WDR27: variants seen among roughly 807,000 people sequenced by gnomAD.
The protein encoded by WDR27 is WD repeat-containing protein 27.
WDR27 carries 100 observed loss-of-function variants against 114.4 expected under a neutral mutation model. That is an observed-to-expected ratio of 0.87 (90% CI 0.74 to 1.03). The LOEUF is 1.03. WDR27 is among the 50% of genes least tolerant of loss of function. The pLI, the probability that WDR27 is intolerant of heterozygous loss-of-function variation, is 0.00. For synonymous variants in WDR27, 449 were observed against 423.1 expected (o/e 1.06, Z -0.75); for missense variants, 1,129 against 1,092.9 (o/e 1.03, Z -0.47).
the WDR27 span, among the ~76,000 whole-genome samples, chr6:169,445,276 A>T: frequency 6.6e-6 from 1 of 152,158 alleles, no homozygotes; most frequent in Non-Finnish European, 1.5e-5. Context: ...GCCTACTTTC[A>T]CTGAGACTAC....
intron 25 of WDR27, among the ~76,000 whole-genome samples, chr6:169,552,579 A>C (rs1798298903): frequency 6.6e-6 from 1 of 152,254 alleles, no homozygotes; most frequent in Non-Finnish European, 1.5e-5. Context: ...CACTTGTTCA[A>C]GGTCATATAG....
intron 25 of WDR27, among the ~76,000 whole-genome samples, chr6:169,562,171 CTT>C (rs1457212945): frequency 3.3e-5 from 5 of 152,208 alleles, no homozygotes; most frequent in Non-Finnish European, 5.9e-5. Context: ...ACGCGGAAGA[CTT>C]GAGGAACACA....
intron 2 of WDR27, among the ~76,000 whole-genome samples, chr6:169,681,786 G>C (rs1373442156): frequency 6.6e-6 from 1 of 152,154 alleles, no homozygotes; most frequent in African/African-American, 2.4e-5. Flanking sequence ...GCCCTCCCTG[G>C]CAGGCTCGCC....
intron 25 of WDR27, among the ~76,000 whole-genome samples, chr6:169,512,869 T>C (rs975061379): frequency 2.6e-5 from 4 of 152,110 alleles, no homozygotes; most frequent in African/African-American, 4.8e-5. Context: ...TCTGTGAAGA[T>C]AGAAAACACA....
intron 25 of WDR27, among the ~76,000 whole-genome samples, chr6:169,481,322 AGACCAATCAGCGCTCTGTAAAATG>A (rs1316542438): frequency 6.6e-6 from 1 of 152,210 alleles, no homozygotes; most frequent in African/African-American, 2.4e-5. Flanking sequence ...TCTGTAAAAC[AGACCAATCAGCGCTCTGTAAAATG>A]GACCAATCAG....
chr6:169,470,650 A>G (rs531980308), intron 25 of WDR27, among the ~76,000 whole-genome samples: 3 of 152,302 alleles, frequency 2.0e-5, no homozygotes, highest in Admixed American at 2.0e-4. Flanking sequence ...AGGGAGACAG[A>G]CAGAAGAGAG....
intron 22 of WDR27, among the ~76,000 whole-genome samples, chr6:169,612,441 GAACA>G (rs1220171818): frequency 2.1e-5 from 3 of 141,016 alleles, no homozygotes; most frequent in South Asian, 2.4e-4. Context: ...ACAAACAAAC[GAACA>G]AACAAACAAA....
At position 169,551,287 on chromosome 6, in the gene WDR27, G is replaced by A. The variant is rs181914320; in HGVS notation, c.2645+21132C>T. On this transcript the variant is annotated intron_variant, in intron 25 of 25. Coordinates refer to ENST00000448612, the MANE Select transcript of WDR27 (RefSeq NM_182552.5). ...CATAAGGCTCCAATCACTTCGCTAA[G>A]TAATTTAGACACAGAGAGACCCCAC... Among the ~76,000 whole-genome samples, 12 of 152,196 alleles carry A rather than the reference G, an allele frequency of 7.9e-5. No homozygotes were observed. In the East Asian group the frequency reaches 2.3e-3, roughly 29 times the overall value.
rs1825162411 is a variant in WDR27 at position 169,659,008 on chromosome 6, T to C, written c.1319+78A>G. On this transcript the variant is annotated intron_variant, in intron 12 of 25. Coordinates refer to ENST00000448612, the MANE Select transcript of WDR27 (RefSeq NM_182552.5). The surrounding 1 kb of genome is among the most constrained non-coding windows in gnomAD (Gnocchi z 4.3). ...GGCCAGAGCTCAGAGTTTTCTAATC[T>C]TTATTTCTGAACATAGAAATCCAGA... 6.8e-7 allele frequency: 1 copy of C among 1,469,480 alleles called. No homozygotes were observed. Among genetic ancestry groups the C allele is most frequent in the East Asian group, 2.4e-5 (1 of 41,168 alleles). The allele number at this position is 1,469,480 out of a possible 1,614,324, so 91.0% of individuals were successfully genotyped here. A position where few individuals can be genotyped will look rare whatever the true frequency, so the allele number is the denominator to read the frequency against.
chr6:169,566,735 C>A (rs927460781), intron 25 of WDR27, among the ~76,000 whole-genome samples: 1 of 152,132 alleles, frequency 6.6e-6, no homozygotes, highest in African/African-American at 2.4e-5. Flanking sequence ...CCTGTAGAAA[C>A]GCTTTCTAAA....
intron 25 of WDR27, among the ~76,000 whole-genome samples, chr6:169,509,226 T>C (rs2115520949): frequency 6.6e-6 from 1 of 152,322 alleles, no homozygotes; most frequent in South Asian, 2.1e-4. Context: ...ATAGATTCAA[T>C]GCCATCCCCA....
At chr6:169,652,495 C>T (rs1822868539) in intron 13 of WDR27, among the ~76,000 whole-genome samples, 1 of 152,242 alleles carries the variant, frequency 6.6e-6, no homozygotes, top group Admixed American at 6.5e-5. Flanking sequence ...GATCCACCTG[C>T]CGCAGCCTCC....
rs374584704 is a variant in WDR27 at position 169,549,227 on chromosome 6, A to G, written c.2645+23192T>C. Among the ~76,000 whole-genome samples, 20 of 152,372 alleles carry G rather than the reference A, an allele frequency of 1.3e-4. No homozygotes were observed. The South Asian group carries it at 2.5e-3, about 19-fold the overall frequency. ...AAAATTGGGCCAAAGATGTCAACAG[A>G]TGCCTCACCAAAGAGGGACATACCG... is the stretch of plus-strand genomic sequence containing the variant. On this transcript the variant is annotated intron_variant, in intron 25 of 25. Coordinates refer to ENST00000448612, the MANE Select transcript of WDR27 (RefSeq NM_182552.5).
At chr6:169,518,640 G>A (rs1554278886) in intron 25 of WDR27, among the ~76,000 whole-genome samples, 1 of 152,330 alleles carries the variant, frequency 6.6e-6, no homozygotes. Flanking sequence ...ATGACAGGAG[G>A]GGCTGCCTCT....
chr6:169,630,236 A>G (rs1816002149), intron 21 of WDR27, among the ~76,000 whole-genome samples: 1 of 152,258 alleles, frequency 6.6e-6, no homozygotes, highest in Non-Finnish European at 1.5e-5. Flanking sequence ...GTCAAACTTT[A>G]ACCTCTGAAA....
At position 169,549,247 on chromosome 6, in the gene WDR27, A is replaced by T. The variant is rs117946477; in HGVS notation, c.2645+23172T>A. On this transcript the variant is annotated intron_variant, in intron 25 of 25. Transcript: ENST00000448612. ...AACAGATGCCTCACCAAAGAGGGAC[A>T]TACCGATGGCAAATAAGCATATAAA... Among the ~76,000 whole-genome samples the T allele has an allele frequency of 1.3e-3, 205 of 152,376 alleles. 4 individuals carry two copies. In the East Asian group the frequency reaches 0.032, roughly 24 times the overall value.
At chr6:169,551,238 C>A (rs776787946) in intron 25 of WDR27, among the ~76,000 whole-genome samples, 92 of 152,196 alleles carry the variant, frequency 6.0e-4, no homozygotes, top group Non-Finnish European at 4.4e-4. Flanking sequence ...TTTCTACCAC[C>A]CCTACAGCTA....
intron 25 of WDR27, among the ~76,000 whole-genome samples, chr6:169,494,386 G>A (rs558365556): frequency 5.3e-5 from 8 of 152,134 alleles, no homozygotes; most frequent in Admixed American, 3.3e-4. Context: ...AGTTCTTCTT[G>A]GGTCTTGAAC....
chr6:169,429,809 C>T, the WDR27 span, among the ~76,000 whole-genome samples: 1 of 152,146 alleles, frequency 6.6e-6, no homozygotes, highest in South Asian at 2.1e-4. Context: ...CCAGGTAACA[C>T]CGATGCTGCT....
Sources: allele counts gnomAD v4.1 joint callset (sites outside exome capture counted in the v4.1 genomes callset), GRCh38; gene constraint gnomAD v4.1.1; non-coding constraint Gnocchi (gnomAD v3.1); transcripts MANE v1.5; gene names NCBI Gene and HGNC (gene_info 2026-07-23, HGNC 2026-07-21).